Variants in CLCN4 observed in about 807,000 individuals in gnomAD.
CLCN4 encodes Cl-/H+ antiporter 4, also known as H(+)/Cl(-) exchange transporter 4.
In CLCN4, 1 loss-of-function variant was observed where a neutral mutation model predicts 41.7. The observed-to-expected ratio is 0.02, with a 90% confidence interval of 0.01 to 0.11. The LOEUF is 0.11. CLCN4 is among the 10% of genes least tolerant of loss of function. The pLI, the probability that CLCN4 is intolerant of heterozygous loss-of-function variation, is 1.00. For missense variants in CLCN4, 287 were observed against 661.0 expected (o/e 0.43, Z 6.20); for synonymous variants, 277 against 285.8 (o/e 0.97, Z 0.31).
At chrX:10,228,219 A>G (rs1450877472) in intron 12 of CLCN4, among the ~76,000 whole-genome samples, 1 of 109,262 alleles carries the variant, frequency 9.2e-6, no homozygotes, top group South Asian at 4.0e-4. Flanking sequence ...ACCATCCTCC[A>G]TCCCCTCCTC....
chrX:10,233,698 G>C lies in CLCN4; in HGVS notation c.*114G>C. On this transcript the variant is annotated 3_prime_UTR_variant, in exon 13 of 13. Transcript: ENST00000380833. ...TGCATTGGGGACAGCAGAAACAAAA[G>C]CTTTTTTGGAAAGGCGGGGAAGAAG... is the stretch of plus-strand genomic sequence containing the variant. 1.6e-6 allele frequency: 1 copy of C among 617,111 alleles called. No homozygotes were observed. The highest frequency in any genetic ancestry group is 3.5e-5 in the East Asian group (1 of 28,427). 50.9% of individuals were successfully genotyped at this position (617,111 alleles called of 1,213,427 possible).
chrX:10,217,188 C>T (rs775082146), intron 11 of CLCN4, among the ~76,000 whole-genome samples: 1 of 109,185 alleles, frequency 9.2e-6, no homozygotes, highest in Non-Finnish European at 1.9e-5. Flanking sequence ...GCAGCCTCTA[C>T]CCACTGGGCT....
At chrX:10,190,082 C>G (rs1923918551) in intron 4 of CLCN4, among the ~76,000 whole-genome samples, 1 of 111,063 alleles carries the variant, frequency 9.0e-6, no homozygotes, top group African/African-American at 3.3e-5. Flanking sequence ...GGGGTGGGGA[C>G]AGGATGGGGA....
chrX:10,177,240 C>T (rs755124614), intron 2 of CLCN4, among the ~76,000 whole-genome samples: 21 of 112,553 alleles, frequency 1.9e-4, no homozygotes, highest in Non-Finnish European at 3.6e-4. Context: ...TGGTCTCTGG[C>T]TGCTTTGCAA....
Position 10,208,435 on chromosome X carries a change from C to A in CLCN4, c.1234C>A (p.Gln412Lys), listed in dbSNP as rs1569230539. The A allele has an allele frequency of 8.3e-7, 1 of 1,211,592 alleles. No homozygotes were observed. Among genetic ancestry groups the A allele is most frequent in the Middle Eastern group, 2.3e-4 (1 of 4,356 alleles). Reference protein sequence around the residue: ...FNDCGALESSQLCDYINDPNM... With the variant: ...FNDCGALESSKLCDYINDPNM... Reference sequence around the variant, plus strand: ...TGACTGTGGAGCCCTTGAGTCTTCCCAGCTCTGTGACTACATCAATGACCC... The same window carrying A: ...TGACTGTGGAGCCCTTGAGTCTTCCAAGCTCTGTGACTACATCAATGACCC... Residue 412 changes from glutamine to lysine, a missense_variant, in exon 9 of 13, where the codon CAG becomes AAG. Physicochemically the swap from Gln to Lys is moderately conservative, Grantham distance 53 (BLOSUM62 1). Transcript: ENST00000380833.
At chrX:10,179,742 A>G (rs1482977425) in intron 2 of CLCN4, among the ~76,000 whole-genome samples, 1 of 112,252 alleles carries the variant, frequency 8.9e-6, no homozygotes, top group Non-Finnish European at 1.9e-5. Context: ...ATTTTAACAA[A>G]CATTTATGAA....
intron 10 of CLCN4, 50 bp from the exon 11 acceptor site, chrX:10,213,631 T>G: frequency 1.7e-4 from 190 of 1,113,148 alleles, no homozygotes; most frequent in Non-Finnish European, 2.1e-4. Flanking sequence ...CATGCTTCCG[T>G]GAGCTGCCCG....
At chrX:10,169,786 CT>C (rs199886653) in intron 2 of CLCN4, among the ~76,000 whole-genome samples, 19 of 51,012 alleles carry the variant, frequency 3.7e-4, no homozygotes, top group African/African-American at 3.9e-4. Context: ...TTTTTCTTTT[CT>C]TTTCTTTTTT....
At chrX:10,191,447 A>T (rs747778337) in intron 4 of CLCN4, among the ~76,000 whole-genome samples, 8 of 112,415 alleles carry the variant, frequency 7.1e-5, no homozygotes, top group African/African-American at 2.6e-4. Flanking sequence ...ATTGATGGAT[A>T]TTTGAGTTCT....
chrX:10,182,429 A>AT (rs1327843660), intron 2 of CLCN4, among the ~76,000 whole-genome samples: 1 of 111,792 alleles, frequency 8.9e-6, no homozygotes. Context: ...GACCTAGATG[A>AT]TTTTTTCCCC....
intron 8 of CLCN4, among the ~76,000 whole-genome samples, chrX:10,207,238 G>C (rs781728756): frequency 8.9e-6 from 1 of 112,444 alleles, no homozygotes; most frequent in Non-Finnish European, 1.9e-5. Context: ...ATAAATTCCT[G>C]TTTTCAAGTA....
intron 12 of CLCN4, among the ~76,000 whole-genome samples, chrX:10,221,420 G>A (rs1389846546): frequency 9.0e-6 from 1 of 111,521 alleles, no homozygotes; most frequent in Non-Finnish European, 1.9e-5. Flanking sequence ...TCAGCACTTC[G>A]GGAGGCTGAG....
intron 2 of CLCN4, among the ~76,000 whole-genome samples, chrX:10,169,123 A>G (rs5933812): frequency 0.36 from 39,309 of 110,118 alleles, 5,714 homozygotes; most frequent in African/African-American, 0.54. Flanking sequence ...TCTTCTATCT[A>G]TAGGATTATA....
chrX:10,215,529 T>G (rs762289031), intron 11 of CLCN4, among the ~76,000 whole-genome samples: 1 of 112,203 alleles, frequency 8.9e-6, no homozygotes, highest in South Asian at 3.7e-4. Flanking sequence ...AATATTGCCT[T>G]ATAAATAATG....
chrX:10,211,280 A>G (rs5979281), intron 9 of CLCN4, among the ~76,000 whole-genome samples: 5,219 of 105,857 alleles, frequency 0.049, 324 homozygotes, highest in African/African-American at 0.16. Flanking sequence ...AAAAAAAAAA[A>G]AAAAAAAAGA....
At chrX:10,191,692 A>ATTTTTTTTTTTTTTTTTTTTTTTTTTTT (rs760315418) in intron 4 of CLCN4, among the ~76,000 whole-genome samples, 2 of 49,770 alleles carry the variant, frequency 4.0e-5, no homozygotes, top group African/African-American at 9.2e-5. Flanking sequence ...TATCTGGTTA[A>ATTTTTTTTTTTTTTTTTTTTTTTTTTTT]TTTTTTTTTT....
At chrX:10,231,742 C>T (rs1925131836) in intron 12 of CLCN4, among the ~76,000 whole-genome samples, 1 of 111,547 alleles carries the variant, frequency 9.0e-6, no homozygotes, top group Non-Finnish European at 1.9e-5. Context: ...CTCCATTGCT[C>T]GGATGAGGTG....
At chrX:10,223,582 C>T (rs752621086) in intron 12 of CLCN4, among the ~76,000 whole-genome samples, 2 of 111,959 alleles carry the variant, frequency 1.8e-5, no homozygotes, top group South Asian at 7.3e-4. Context: ...GCTCGCCCAC[C>T]CTGTACCTTC....
Position 10,220,715 on chromosome X carries a change from C to A in CLCN4, c.2030C>A (p.Thr677Lys). The A allele has an allele frequency of 8.3e-7, 1 of 1,211,258 alleles. No individual in the cohort carries two copies. ...GTGAGCAATTCCATCATGTACTTCACGGAGGAACCCCCCGAGCTGCCGGCC... is the reference window on the plus strand; with the variant it reads ...GTGAGCAATTCCATCATGTACTTCAAGGAGGAACCCCCCGAGCTGCCGGCC... ...GIVSNSIMYF[T>K]EEPPELPANS... The change falls in exon 12 of 13, where the codon ACG (threonine) becomes AAG (lysine). Residue 677 changes from threonine (T) to lysine (K), a missense_variant. By Grantham distance (78) the Thr-to-Lys change is moderately conservative. Coordinates refer to ENST00000380833, the MANE Select transcript of CLCN4 (RefSeq NM_001830.4).
Sources: gnomAD v4.1 joint callset for allele counts (sites outside exome capture counted in the v4.1 genomes callset) on GRCh38, gnomAD v4.1.1 for gene constraint, MANE v1.5 for transcripts, NCBI Gene and HGNC (gene_info 2026-07-23, HGNC 2026-07-21) for gene names.